OSBPL9: variants seen among roughly 807,000 people sequenced by gnomAD.
The protein encoded by OSBPL9 is oxysterol binding protein like 9.
In OSBPL9, 40 loss-of-function variants were observed where a neutral mutation model predicts 106.6. The observed-to-expected ratio is 0.38, with a 90% confidence interval of 0.29 to 0.49. OSBPL9 has a LOEUF of 0.49. Among genes scored for constraint, OSBPL9 ranks in the 20% least tolerant of loss-of-function variants. The pLI, the probability that OSBPL9 is intolerant of heterozygous loss-of-function variation, is 0.97. For missense variants in OSBPL9, 609 were observed against 887.2 expected, an observed-to-expected ratio of 0.69 and a Z score of 3.98; for synonymous variants, 269 against 295.4, an observed-to-expected ratio of 0.91 and a Z score of 0.92.
chr1:51,652,138 C>A (rs1479897021), intron 2 of OSBPL9, 97 bp downstream of exon 2: 2 of 909,058 alleles, frequency 2.2e-6, no homozygotes, highest in Admixed American at 5.5e-5. Context: ...AGCTTCCTTA[C>A]ATAATTGTTG....
chr1:51,764,217 C>G (rs1268827839), intron 11 of OSBPL9, among the ~76,000 whole-genome samples: 1 of 152,118 alleles, frequency 6.6e-6, no homozygotes, highest in Non-Finnish European at 1.5e-5. Context: ...GTTTGCAGTT[C>G]CCACTCAAAC....
At chr1:51,777,555 C>T (rs969501481) in intron 15 of OSBPL9, among the ~76,000 whole-genome samples, 2 of 152,112 alleles carry the variant, frequency 1.3e-5, no homozygotes, top group Non-Finnish European at 2.9e-5. Flanking sequence ...TAGTCTCAGA[C>T]TGTGGTTTAC....
intron 1 of OSBPL9, among the ~76,000 whole-genome samples, chr1:51,588,732 T>C (rs1645259367): frequency 6.6e-6 from 1 of 152,224 alleles, no homozygotes; most frequent in Non-Finnish European, 1.5e-5. Context: ...TTGAACTTGG[T>C]TTCCTGGGTC....
At chr1:51,704,668 G>A (rs1269795060) in intron 3 of OSBPL9, among the ~76,000 whole-genome samples, 1 of 152,192 alleles carries the variant, frequency 6.6e-6, no homozygotes, top group African/African-American at 2.4e-5. Flanking sequence ...TCAACTTCTT[G>A]TCCTTATATC....
At chr1:51,746,135 G>A (rs1301190225) in intron 5 of OSBPL9, among the ~76,000 whole-genome samples, 1 of 152,082 alleles carries the variant, frequency 6.6e-6, no homozygotes, top group Non-Finnish European at 1.5e-5. Flanking sequence ...GTAGAGACGG[G>A]GTTTCGCCAT....
At chr1:51,686,088 G>A (rs1322213479) in intron 3 of OSBPL9, among the ~76,000 whole-genome samples, 1 of 152,124 alleles carries the variant, frequency 6.6e-6, no homozygotes, top group African/African-American at 2.4e-5. Context: ...TCTTGGAGGG[G>A]ATGATTGTAA....
chr1:51,676,434 AAAAAC>A, intron 3 of OSBPL9, among the ~76,000 whole-genome samples: 1 of 152,168 alleles, frequency 6.6e-6, no homozygotes, highest in Middle Eastern at 3.4e-3. Context: ...CTTCTCAAAA[AAAAAC>A]GGAATTAATA....
Position 51,787,848 on chromosome 1 carries a change from A to G in OSBPL9, c.*59A>G. On this transcript the variant is annotated 3_prime_UTR_variant, in exon 24 of 24. Transcript: ENST00000428468. ...GGGCAGTAGGCATAATTCAGCAACA[A>G]ACAATCTTCCTTTGGGAGAAACCTG... 2.1e-6 allele frequency: 3 copies of G among 1,436,544 alleles called. No individual in the cohort carries two copies. Among genetic ancestry groups the G allele is most frequent in the Middle Eastern group, 2.3e-4 (1 of 4,288 alleles). 89.0% of individuals were successfully genotyped at this position (1,436,544 alleles called of 1,614,324 possible).
intron 8 of OSBPL9, among the ~76,000 whole-genome samples, chr1:51,753,937 G>C (rs752837220): frequency 6.6e-6 from 1 of 152,206 alleles, no homozygotes; most frequent in African/African-American, 2.4e-5. Flanking sequence ...CCCCCTGGGT[G>C]GTTTTAATGT....
chr1:51,746,136 G>T (rs1401534415), intron 5 of OSBPL9, among the ~76,000 whole-genome samples: 3 of 152,140 alleles, frequency 2.0e-5, no homozygotes, highest in Admixed American at 2.0e-4. Flanking sequence ...TAGAGACGGG[G>T]TTTCGCCATA....
intron 14 of OSBPL9, among the ~76,000 whole-genome samples, chr1:51,773,902 G>A (rs758476696): frequency 1.7e-4 from 26 of 152,136 alleles, no homozygotes; most frequent in Non-Finnish European, 3.4e-4. Context: ...GTTTGTCCCC[G>A]GAATTGCTTC....
At chr1:51,522,694 A>G in the OSBPL9 span, among the ~76,000 whole-genome samples, 1 of 152,338 alleles carries the variant, frequency 6.6e-6, no homozygotes. Flanking sequence ...AGAAGAATTT[A>G]TCTGTTTTTT....
At chr1:51,614,103 A>G (rs759500473), upstream of OSBPL9, among the ~76,000 whole-genome samples, 1 of 152,118 alleles carries the variant, frequency 6.6e-6, no homozygotes, top group Non-Finnish European at 1.5e-5. Flanking sequence ...GAAGATGCCA[A>G]ACGTCTACCT....
At chr1:51,752,499 C>G in intron 8 of OSBPL9, 1 of 456,034 alleles carries the variant, frequency 2.2e-6, no homozygotes, top group South Asian at 1.5e-5. Flanking sequence ...ACTGTCTACC[C>G]TAGAGTACAA....
At chr1:51,753,926 A>C (rs1669792754) in intron 8 of OSBPL9, among the ~76,000 whole-genome samples, 1 of 151,840 alleles carries the variant, frequency 6.6e-6, no homozygotes, top group African/African-American at 2.4e-5. Flanking sequence ...ATTATTTTAA[A>C]CCCCCTGGGT....
chr1:51,764,940 C>T (rs1204636392), intron 11 of OSBPL9, among the ~76,000 whole-genome samples: 2 of 152,210 alleles, frequency 1.3e-5, no homozygotes, highest in Non-Finnish European at 2.9e-5. Flanking sequence ...CCCTGGCTTT[C>T]AGATTGCCAT....
rs1013159673 is a variant in OSBPL9 at position 51,707,541 on chromosome 1, A to G, written c.242-6462A>G. 3.3e-5 allele frequency: 6 copies of G among 179,746 alleles called. No individual in the cohort carries two copies. The South Asian group carries it at 7.2e-4, about 22-fold the overall frequency. 11.1% of individuals were successfully genotyped at this position (179,746 alleles called of 1,614,324 possible). ...CAGGGATGATGTTCTTGAGAGCCTC[A>G]TGGTCGTCATGCCACAGTTTCCCAG... is the stretch of plus-strand genomic sequence containing the variant. On this transcript the variant is annotated intron_variant, in intron 3 of 23. Coordinates refer to ENST00000428468, the MANE Select transcript of OSBPL9 (RefSeq NM_024586.6).
Position 51,593,678 on chromosome 1 carries a change from C to T in OSBPL9, c.-422-4446C>T, listed in dbSNP as rs527275738. 5.9e-5 allele frequency among the ~76,000 whole-genome samples: 9 copies of T among 152,324 alleles called. No individual in the cohort carries two copies. In the South Asian group the frequency reaches 1.7e-3, roughly 28 times the overall value. ...TGCCTGGGCTTATTCCCACCTTCCT[C>T]TGTAGCACCTCTATACCTTGCTACC... is the stretch of plus-strand genomic sequence containing the variant. On this transcript the variant is annotated intron_variant, in intron 1 of 25. Transcript: ENST00000371714.
intron 22 of OSBPL9, 99 bp downstream of exon 22, chr1:51,786,716 A>G: frequency 2.2e-6 from 2 of 911,296 alleles, no homozygotes; most frequent in Non-Finnish European, 3.4e-6. Context: ...GGCAGAGCAT[A>G]ATAGTATAGA....
Sources: gnomAD v4.1 joint callset for allele counts (sites outside exome capture counted in the v4.1 genomes callset) on GRCh38, gnomAD v4.1.1 for gene constraint, MANE v1.5 for transcripts, NCBI Gene and HGNC (gene_info 2026-07-23, HGNC 2026-07-21) for gene names.